The following SPAG16 variants were observed in gnomAD, a reference collection of about 807,000 sequenced individuals.
The protein encoded by SPAG16 is sperm associated antigen 16, also known as sperm-associated antigen 16 protein.
Under a neutral mutation model 80.4 loss-of-function variants are expected in SPAG16, and 86 were observed. The ratio of observed to expected loss-of-function variants is 1.07; its 90% CI spans 0.90 to 1.28. The LOEUF (loss-of-function observed/expected upper bound fraction) is 1.28, where lower values mean the gene tolerates loss of function less well. Among genes scored for constraint, SPAG16 ranks in the 50% most tolerant of loss-of-function variants. SPAG16 has a pLI of 0.00. For synonymous variants in SPAG16, 294 were observed against 265.9 expected (o/e 1.11, Z -1.03); for missense variants, 870 against 765.3 (o/e 1.14, Z -1.61).
intron 14 of SPAG16, among the ~76,000 whole-genome samples, chr2:214,127,742 A>C (rs377043252): frequency 6.6e-6 from 1 of 151,974 alleles, no homozygotes; most frequent in East Asian, 1.9e-4. Context: ...CCTCTTCCTC[A>C]CCACACACCC....
intron 11 of SPAG16, among the ~76,000 whole-genome samples, chr2:213,867,013 A>AATAACTATACAC (rs2075716014): frequency 2.1e-5 from 2 of 93,272 alleles, no homozygotes; most frequent in Middle Eastern, 4.7e-3. Context: ...GCCTCAAAAT[A>AATAACTATACAC]ATAACTATAC....
rs1286416009 is a variant in SPAG16 at position 214,004,244 on chromosome 2, T to C, written c.1401-9707T>C. 2.0e-5 allele frequency among the ~76,000 whole-genome samples: 3 copies of C among 152,148 alleles called. No homozygotes were observed. The East Asian group carries it at 5.8e-4, about 29-fold the overall frequency. On this transcript the variant is annotated intron_variant, in intron 12 of 15. Transcript: ENST00000331683. ...GAAGGGAAGAGGGTCTGGCGTGACC[T>C]GAATTCAACTTAGATTTGTACAAGG...
At chr2:214,267,714 A>C (rs1221511307) in intron 15 of SPAG16, among the ~76,000 whole-genome samples, 3 of 151,934 alleles carry the variant, frequency 2.0e-5, no homozygotes, top group African/African-American at 7.2e-5. Context: ...TAATAGTTAA[A>C]ATGTCCATAC....
chr2:213,488,932 G>C (rs1400670098), intron 9 of SPAG16, among the ~76,000 whole-genome samples: 2 of 151,554 alleles, frequency 1.3e-5, no homozygotes, highest in African/African-American at 2.4e-5. Context: ...AAAATTACCC[G>C]GGCGTGGTGG....
At position 213,292,430 on chromosome 2, in the gene SPAG16, C is replaced by T. The variant is rs930318791; in HGVS notation, c.137-3634C>T. Reference sequence around the variant, plus strand: ...CTGTAATCCCAGCACTTTGGGAGGCCGAGGCGGGCGGATCATGAGGTCAGG... The same window carrying T: ...CTGTAATCCCAGCACTTTGGGAGGCTGAGGCGGGCGGATCATGAGGTCAGG... On this transcript the variant is annotated intron_variant, in intron 1 of 15. Coordinates refer to ENST00000331683, the MANE Select transcript of SPAG16 (RefSeq NM_024532.5). Among the ~76,000 whole-genome samples, 8 of 151,722 alleles carry T rather than the reference C, an allele frequency of 5.3e-5. No individual in the cohort carries two copies. The South Asian group carries it at 8.4e-4, about 16-fold the overall frequency.
At chr2:213,654,900 C>T (rs572418164) in intron 10 of SPAG16, among the ~76,000 whole-genome samples, 4 of 152,174 alleles carry the variant, frequency 2.6e-5, no homozygotes, top group African/African-American at 9.6e-5. Flanking sequence ...GATGTTTAAA[C>T]GGTGAATGAT....
chr2:213,505,300 CA>C (rs1408245683), intron 10 of SPAG16, among the ~76,000 whole-genome samples: 1 of 152,000 alleles, frequency 6.6e-6, no homozygotes, highest in Non-Finnish European at 1.5e-5. Context: ...TATGTGGACA[CA>C]ATTTTTTTTT....
At chr2:214,189,950 A>C (rs2057604415) in intron 15 of SPAG16, among the ~76,000 whole-genome samples, 1 of 152,082 alleles carries the variant, frequency 6.6e-6, no homozygotes, top group Non-Finnish European at 1.5e-5. Flanking sequence ...AGTTGGAAAA[A>C]AATTGAATGA....
intron 13 of SPAG16, among the ~76,000 whole-genome samples, chr2:214,043,814 T>A (rs1444480356): frequency 6.6e-6 from 1 of 152,162 alleles, no homozygotes; most frequent in African/African-American, 2.4e-5. Context: ...ATAATGTCAA[T>A]AGTTTGTATA....
intron 14 of SPAG16, among the ~76,000 whole-genome samples, chr2:214,130,948 C>T (rs1322043522): frequency 6.6e-6 from 1 of 152,038 alleles, no homozygotes; most frequent in Admixed American, 6.6e-5. Context: ...TTTATTAAAC[C>T]TTCTTCTCCC....
intron 11 of SPAG16, among the ~76,000 whole-genome samples, chr2:213,913,182 C>T (rs1018638302): frequency 6.6e-6 from 1 of 152,026 alleles, no homozygotes; most frequent in Non-Finnish European, 1.5e-5. Context: ...AGTGTCTCTA[C>T]ATTTTATCCA....
intron 14 of SPAG16, among the ~76,000 whole-genome samples, chr2:214,122,800 T>A (rs1162751618): frequency 2.6e-5 from 4 of 151,906 alleles, no homozygotes; most frequent in African/African-American, 9.7e-5. Flanking sequence ...AACTTTTAGA[T>A]GTGTGGTGAA....
At chr2:213,612,963 G>A (rs1300436825) in intron 10 of SPAG16, among the ~76,000 whole-genome samples, 1 of 152,080 alleles carries the variant, frequency 6.6e-6, no homozygotes, top group Non-Finnish European at 1.5e-5. Flanking sequence ...GTGAACCACC[G>A]TGCCCGGCCC....
rs558405262 is a variant in SPAG16, at chr2:213,299,782, T to A, written c.279+2425T>A. 7.2e-5 allele frequency among the ~76,000 whole-genome samples: 11 copies of A among 152,326 alleles called. No homozygotes were observed. In the East Asian group the frequency reaches 2.1e-3, roughly 29 times the overall value. Reference sequence around the variant, plus strand: ...ATATTGAGAAGATAGGAAATGTTATTAATCTATAACAGTTATGTAGTTTGA... The same window carrying A: ...ATATTGAGAAGATAGGAAATGTTATAAATCTATAACAGTTATGTAGTTTGA... On this transcript the variant is annotated intron_variant, in intron 3 of 15. Transcript: ENST00000331683.
chr2:214,107,013 C>T (rs2053418824), intron 13 of SPAG16, among the ~76,000 whole-genome samples: 1 of 152,132 alleles, frequency 6.6e-6, no homozygotes, highest in South Asian at 2.1e-4. Flanking sequence ...CCTTACTATA[C>T]TTTCATTCTT....
At chr2:213,889,334 C>A (rs1258104781) in intron 11 of SPAG16, among the ~76,000 whole-genome samples, 1 of 151,576 alleles carries the variant, frequency 6.6e-6, no homozygotes, top group African/African-American at 2.4e-5. Flanking sequence ...TTTTACCAGG[C>A]TGAGAAAATC....
At chr2:214,000,728 G>A (rs2046752726) in intron 12 of SPAG16, among the ~76,000 whole-genome samples, 1 of 152,208 alleles carries the variant, frequency 6.6e-6, no homozygotes, top group South Asian at 2.1e-4. Context: ...TAATGTGATA[G>A]TGATGTGTGT....
intron 10 of SPAG16, among the ~76,000 whole-genome samples, chr2:213,711,076 G>A (rs560342405): frequency 6.6e-6 from 1 of 152,154 alleles, no homozygotes; most frequent in Admixed American, 6.5e-5. Flanking sequence ...CCTTGTAAAA[G>A]ACTATTTAAG....
At chr2:213,553,795 G>A (rs1012688084) in intron 10 of SPAG16, among the ~76,000 whole-genome samples, 2 of 152,092 alleles carry the variant, frequency 1.3e-5, no homozygotes, top group African/African-American at 2.4e-5. Context: ...CCATCCTCTA[G>A]ACACAAGCTC....
Sources: allele counts gnomAD v4.1 joint callset (sites outside exome capture counted in the v4.1 genomes callset), GRCh38; gene constraint gnomAD v4.1.1; transcripts MANE v1.5; gene names NCBI Gene and HGNC (gene_info 2026-07-23, HGNC 2026-07-21).